The following CAST variants were observed in gnomAD, a reference collection of about 807,000 sequenced individuals.
The protein encoded by CAST is calpastatin, also known as MIR583 host.
A neutral mutation model predicts 119.6 loss-of-function variants in CAST; 76 were observed. The ratio of observed to expected loss-of-function variants is 0.64; its 90% CI spans 0.53 to 0.77. CAST has a LOEUF of 0.77. CAST is among the 30% of genes least tolerant of loss of function. The probability of loss-of-function intolerance (pLI) is 0.00; values close to 1 mark genes in which losing one functional copy is unlikely to be tolerated. For missense variants in CAST, 953 were observed against 946.5 expected (o/e 1.01, Z -0.09); for synonymous variants, 319 against 331.6 (o/e 0.96, Z 0.41).
intron 2 of CAST, among the ~76,000 whole-genome samples, chr5:96,692,697 G>T (rs1039178275): frequency 6.6e-6 from 1 of 152,076 alleles, no homozygotes; most frequent in Non-Finnish European, 1.5e-5. Flanking sequence ...CATCCATCCT[G>T]TCTGAAGCAA....
intron 30 of CAST, 110 bp downstream of exon 30, chr5:96,770,712 T>G: frequency 1.4e-6 from 1 of 736,736 alleles, no homozygotes; most frequent in Non-Finnish European, 2.4e-6. Flanking sequence ...ATAAAATTTC[T>G]TAAAGTACTA....
chr5:96,522,816 A>G (rs73775306), upstream of CAST, among the ~76,000 whole-genome samples: 1,680 of 152,280 alleles, frequency 0.011, 26 homozygotes, highest in African/African-American at 0.039. Context: ...AAACATAGTT[A>G]TGAGTGATCC....
chr5:96,026,324 G>A, the CAST span, among the ~76,000 whole-genome samples: 3 of 152,226 alleles, frequency 2.0e-5, no homozygotes, highest in South Asian at 4.2e-4. Context: ...TGAGACAATG[G>A]ACTAATAAAG....
the CAST span, among the ~76,000 whole-genome samples, chr5:96,300,940 G>A: frequency 2.7e-4 from 40 of 146,984 alleles, no homozygotes; most frequent in Non-Finnish European, 5.8e-4. Flanking sequence ...TAATTTTTGT[G>A]TGTTGATTTT....
At chr5:96,735,280 G>A (rs191835353) in intron 9 of CAST, among the ~76,000 whole-genome samples, 2 of 152,356 alleles carry the variant, frequency 1.3e-5, no homozygotes, top group Non-Finnish European at 2.9e-5. Context: ...AGCCATGCAT[G>A]TCTCAACTGT....
rs746828115 is a variant in CAST at position 96,675,565 on chromosome 5, G to A, written c.102G>A (p.Ser34=). The A allele has an allele frequency of 7.4e-6, 12 of 1,612,944 alleles. No individual in the cohort carries two copies. The highest frequency in any genetic ancestry group is 5.3e-5 in the African/African-American group (4 of 74,846). Residue 34 remains serine, a synonymous_variant, in exon 2 of 32, where the codon TCG becomes TCA. Coordinates refer to ENST00000675179, the MANE Select transcript of CAST (RefSeq NM_001750.7). The part of the protein sequence containing the change: ...HEHVSEKTSE[S]PSKPGEKKGS... ...ATGTCAGTGAAAAAACCAGTGAATC[G>A]CCTTCCAAACCAGGAGAAAAGAAAG...
intron 20 of CAST, among the ~76,000 whole-genome samples, chr5:96,753,025 G>A (rs979654561): frequency 7.5e-5 from 11 of 146,640 alleles, no homozygotes; most frequent in Non-Finnish European, 1.6e-4. Flanking sequence ...GCAGAGTCTC[G>A]TTCTGTCATC....
At chr5:95,978,658 T>C in the CAST span, among the ~76,000 whole-genome samples, 1 of 152,118 alleles carries the variant, frequency 6.6e-6, no homozygotes, top group South Asian at 2.1e-4. Flanking sequence ...AATTAGATCC[T>C]ATTTGTCAAT....
At chr5:96,473,225 T>C in the CAST span, among the ~76,000 whole-genome samples, 1 of 152,246 alleles carries the variant, frequency 6.6e-6, no homozygotes, top group Non-Finnish European at 1.5e-5. Flanking sequence ...GTCACTGTCC[T>C]CATGGATCTT....
chr5:96,648,273 C>T (rs1171833105), intron 1 of CAST, among the ~76,000 whole-genome samples: 1 of 152,200 alleles, frequency 6.6e-6, no homozygotes, highest in Non-Finnish European at 1.5e-5. Context: ...TGCAGATTCA[C>T]TTCCTTATTG....
chr5:96,591,514 A>G (rs910844802), intron 1 of CAST, among the ~76,000 whole-genome samples: 1 of 152,232 alleles, frequency 6.6e-6, no homozygotes, highest in African/African-American at 2.4e-5. Flanking sequence ...GGTCTGAGTT[A>G]GGTACAGGAC....
the CAST span, among the ~76,000 whole-genome samples, chr5:96,018,827 C>T: frequency 6.6e-6 from 1 of 152,164 alleles, no homozygotes; most frequent in Non-Finnish European, 1.5e-5. Context: ...AGAAAAGCTT[C>T]CACTTCACTG....
chr5:96,072,224 G>GA, the CAST span, among the ~76,000 whole-genome samples: 1 of 92,650 alleles, frequency 1.1e-5, no homozygotes, highest in Non-Finnish European at 2.5e-5. Context: ...ATATTGTTAA[G>GA]GCCTGACCCT....
upstream of CAST, among the ~76,000 whole-genome samples, chr5:96,524,805 T>G (rs2150175915): frequency 6.6e-6 from 1 of 152,224 alleles, no homozygotes; most frequent in East Asian, 1.9e-4. Context: ...TTAGGGAGAA[T>G]CTTACTTTTC....
At chr5:96,761,457 A>G (rs192570920) in intron 24 of CAST, 46 of 152,300 alleles carry the variant, frequency 3.0e-4, no homozygotes, top group Non-Finnish European at 2.9e-4. Flanking sequence ...ATAATTTCCA[A>G]TAATAACATG....
chr5:96,152,302 C>T, the CAST span, among the ~76,000 whole-genome samples: 1 of 152,116 alleles, frequency 6.6e-6, no homozygotes, highest in Non-Finnish European at 1.5e-5. Flanking sequence ...TAGTGAAGGC[C>T]CAGGGAGAGT....
At chr5:96,387,804 C>A in the CAST span, among the ~76,000 whole-genome samples, 1 of 152,090 alleles carries the variant, frequency 6.6e-6, no homozygotes, top group African/African-American at 2.4e-5. Flanking sequence ...TAAGACAGAA[C>A]TAAGGCCAAA....
At chr5:95,972,402 GT>G in the CAST span, among the ~76,000 whole-genome samples, 68 of 148,294 alleles carry the variant, frequency 4.6e-4, no homozygotes, top group African/African-American at 1.5e-3. Flanking sequence ...GCATTGTCAG[GT>G]TTTTTTTTTA....
At chr5:96,759,733 T>C (rs1767287238) in intron 24 of CAST, among the ~76,000 whole-genome samples, 1 of 152,024 alleles carries the variant, frequency 6.6e-6, no homozygotes, top group East Asian at 1.9e-4. Flanking sequence ...AATTAAATTT[T>C]AACAGAGTAA....
Sources: allele counts gnomAD v4.1 joint callset (sites outside exome capture counted in the v4.1 genomes callset), GRCh38; gene constraint gnomAD v4.1.1; transcripts MANE v1.5; gene names NCBI Gene and HGNC (gene_info 2026-07-23, HGNC 2026-07-21).